Variants in LOC400499 observed in about 807,000 individuals in gnomAD.
At chr16:11,418,394 G>A in the LOC400499 span, among the ~76,000 whole-genome samples, 1 of 152,182 alleles carries the variant, frequency 6.6e-6, no homozygotes. Context: ...AAAACAGGTT[G>A]CAGTAAAGAA....
At chr16:11,416,295 G>A in the LOC400499 span, among the ~76,000 whole-genome samples, 1 of 152,242 alleles carries the variant, frequency 6.6e-6, no homozygotes, top group African/African-American at 2.4e-5. Context: ...TCCCCTAGGG[G>A]ACTGGGGAGT....
chr16:11,388,723 G>C, the LOC400499 span, among the ~76,000 whole-genome samples: 1 of 152,118 alleles, frequency 6.6e-6, no homozygotes, highest in African/African-American at 2.4e-5. Flanking sequence ...CCACCTACCC[G>C]CCTCCCCAGT....
the LOC400499 span, among the ~76,000 whole-genome samples, chr16:11,430,651 G>A: frequency 1.5e-3 from 231 of 152,324 alleles, no homozygotes; most frequent in Non-Finnish European, 1.5e-3. Context: ...CAAAGGGGCT[G>A]TGCGATTCTT....
At chr16:11,429,160 G>A in the LOC400499 span, among the ~76,000 whole-genome samples, 1 of 152,180 alleles carries the variant, frequency 6.6e-6, no homozygotes, top group Non-Finnish European at 1.5e-5. Flanking sequence ...GGCCTGGTGG[G>A]AGGTGACTGG....
chr16:11,485,256 A>G, the LOC400499 span, among the ~76,000 whole-genome samples: 1 of 152,124 alleles, frequency 6.6e-6, no homozygotes, highest in Admixed American at 6.6e-5. Flanking sequence ...ATCTCTCTGT[A>G]TCTACTTGGT....
the LOC400499 span, among the ~76,000 whole-genome samples, chr16:11,419,988 T>A: frequency 6.8e-6 from 1 of 148,094 alleles, no homozygotes; most frequent in Admixed American, 6.7e-5. Context: ...ACTTTTACAC[T>A]GTTGGTGGGA....
the LOC400499 span, among the ~76,000 whole-genome samples, chr16:11,410,935 C>T: frequency 1.3e-3 from 204 of 152,324 alleles, 1 homozygote; most frequent in African/African-American, 4.7e-3. Context: ...GTCATCTGCT[C>T]CAGCTTCTAC....
At chr16:11,503,116 G>A in the LOC400499 span, among the ~76,000 whole-genome samples, 3 of 143,512 alleles carry the variant, frequency 2.1e-5, no homozygotes, top group Non-Finnish European at 3.0e-5. Flanking sequence ...TAGAGATGAG[G>A]TTTCACCATG....
the LOC400499 span, chr16:11,515,894 TAGCCCAGCCCAGCCC>T: frequency 9.7e-4 from 16 of 16,424 alleles, no homozygotes; most frequent in Non-Finnish European, 1.3e-3. Context: ...CAGCCCAGCC[TAGCCCAGCCCAGCCC>T]AGCCTAGCCC....
chr16:11,379,867 A>C, the LOC400499 span, among the ~76,000 whole-genome samples: 1 of 152,256 alleles, frequency 6.6e-6, no homozygotes, highest in African/African-American at 2.4e-5. Context: ...TCCTGAAGTT[A>C]GAGCAATCCA....
the LOC400499 span, among the ~76,000 whole-genome samples, chr16:11,440,470 G>C: frequency 6.6e-6 from 1 of 152,194 alleles, no homozygotes; most frequent in African/African-American, 2.4e-5. Context: ...TGGATCCTGA[G>C]AGACTGCATG....
the LOC400499 span, among the ~76,000 whole-genome samples, chr16:11,412,077 T>C: frequency 6.6e-6 from 1 of 152,122 alleles, no homozygotes; most frequent in African/African-American, 2.4e-5. Flanking sequence ...GTTGCCCAGG[T>C]TGGCCTCGAG....
the LOC400499 span, among the ~76,000 whole-genome samples, chr16:11,504,282 G>A: frequency 2.5e-3 from 374 of 152,296 alleles, 1 homozygote; most frequent in South Asian, 0.011. Flanking sequence ...AGGGCCTGGC[G>A]CGGTGGTTCA....
the LOC400499 span, chr16:11,399,415 G>A: frequency 2.2e-6 from 1 of 462,232 alleles, no homozygotes; most frequent in Non-Finnish European, 3.5e-6. Flanking sequence ...GGACGCTCCT[G>A]TGGCAGGTGG....
At chr16:11,524,599 T>C in the LOC400499 span, among the ~76,000 whole-genome samples, 1 of 152,090 alleles carries the variant, frequency 6.6e-6, no homozygotes, top group Non-Finnish European at 1.5e-5. Flanking sequence ...CTGTTGAGTG[T>C]CTCCCTTCTC....
chr16:11,420,449 T>A, the LOC400499 span, among the ~76,000 whole-genome samples: 1 of 30,266 alleles, frequency 3.3e-5, no homozygotes, highest in Non-Finnish European at 6.6e-5. Context: ...TGTTGTGGGG[T>A]GGGGGGAGGG....
the LOC400499 span, among the ~76,000 whole-genome samples, chr16:11,505,588 C>T: frequency 1.2e-4 from 18 of 150,836 alleles, no homozygotes; most frequent in African/African-American, 3.9e-4. Flanking sequence ...CAAGTAGCCA[C>T]GACCACAGGC....
chr16:11,375,556 G>A, the LOC400499 span, among the ~76,000 whole-genome samples: 31 of 149,880 alleles, frequency 2.1e-4, 1 homozygote, highest in East Asian at 2.0e-3. Flanking sequence ...CAAGTGATCC[G>A]CCCACCTTGG....
the LOC400499 span, among the ~76,000 whole-genome samples, chr16:11,385,778 G>A: frequency 6.6e-6 from 1 of 152,234 alleles, no homozygotes; most frequent in African/African-American, 2.4e-5. Context: ...ATTGGTGGCT[G>A]CAGGGTTTCA....
Sources: allele counts gnomAD v4.1 joint callset (sites outside exome capture counted in the v4.1 genomes callset), GRCh38; gene constraint gnomAD v4.1.1; transcripts MANE v1.5.